ELF1: variants seen among roughly 807,000 people sequenced by gnomAD.
ELF1 encodes the protein ETS-related transcription factor Elf-1.
Under a neutral mutation model 59.9 loss-of-function variants are expected in ELF1, and 24 were observed. The observed-to-expected ratio is 0.40, with a 90% CI of 0.29 to 0.56. The LOEUF (loss-of-function observed/expected upper bound fraction) is 0.56. Among genes scored for constraint, ELF1 ranks in the 20% least tolerant of loss-of-function variants. The pLI, the probability that ELF1 is intolerant of heterozygous loss-of-function variation, is 0.44. For missense variants in ELF1, 627 were observed against 742.2 expected, an observed-to-expected ratio of 0.84 and a Z score of 1.80; for synonymous variants, 248 against 266.2, an observed-to-expected ratio of 0.93 and a Z score of 0.67.
At position 40,949,854 on chromosome 13, in the gene ELF1, C is replaced by T; in HGVS notation, c.481G>A (p.Ala161Thr). Reference sequence around the variant, plus strand: ...GGTGATGAGGCTCCCGGTGAGTCTGCATATTTTTCTTGCACCTGCTGTGTT... The same window carrying T: ...GGTGATGAGGCTCCCGGTGAGTCTGTATATTTTTCTTGCACCTGCTGTGTT... Reference protein sequence around the residue: ...METQQVQEKYADSPGASSPEQ... With the variant: ...METQQVQEKYTDSPGASSPEQ... Residue 161 changes from alanine to threonine, a missense_variant, in exon 5 of 9, where the codon GCA (alanine) becomes ACA (threonine). Physicochemically the swap from Ala to Thr is moderately conservative, Grantham distance 58. Transcript: ENST00000239882. The T allele has an allele frequency of 6.2e-7, 1 of 1,614,094 alleles. No homozygotes were observed. Among genetic ancestry groups the T allele is most frequent in the Non-Finnish European group, 8.5e-7 (1 of 1,180,004 alleles).
intron 1 of ELF1, among the ~76,000 whole-genome samples, chr13:41,016,748 C>T (rs1046931117): frequency 2.0e-5 from 3 of 150,718 alleles, no homozygotes; most frequent in Admixed American, 1.3e-4. Flanking sequence ...AACCCTGTCT[C>T]TACTAAAAAT....
Position 40,958,916 on chromosome 13 carries a change from T to A in ELF1, c.173A>T (p.Asn58Ile). The A allele has an allele frequency of 6.2e-7, 1 of 1,613,686 alleles. No homozygotes were observed. The highest frequency in any genetic ancestry group is 1.1e-5 in the South Asian group (1 of 91,046). The change falls in exon 3 of 9, where the codon AAT (asparagine) becomes ATT (isoleucine). Residue 58 changes from asparagine to isoleucine, a missense_variant. Coordinates refer to ENST00000239882, the MANE Select transcript of ELF1 (RefSeq NM_172373.4). ...CAGTGAACTCTCAGTAATCATGTCA[T>A]TGGGCTCTTCCACACAGGCTAGACC... Reference protein sequence around the residue: ...YAGLACVEEPNDMITESSLDV... With the variant: ...YAGLACVEEPIDMITESSLDV...
intron 1 of ELF1, among the ~76,000 whole-genome samples, chr13:41,024,694 A>G (rs894920679): frequency 6.6e-6 from 1 of 152,184 alleles, no homozygotes; most frequent in East Asian, 1.9e-4. Context: ...CTGTGTTTCT[A>G]TGTAGCCCTA....
chr13:40,936,321 ACT>A (rs1373186436), intron 8 of ELF1, among the ~76,000 whole-genome samples: 2 of 152,054 alleles, frequency 1.3e-5, no homozygotes, highest in East Asian at 3.9e-4. Flanking sequence ...GGCAGTTACA[ACT>A]CTCTAATATA....
At chr13:40,972,106 G>A (rs1276585208) in intron 2 of ELF1, among the ~76,000 whole-genome samples, 2 of 151,922 alleles carry the variant, frequency 1.3e-5, no homozygotes, top group East Asian at 3.9e-4. Context: ...AATCATAAAG[G>A]GCAATTTCTG....
Position 40,933,601 on chromosome 13 carries a change from T to C in ELF1, c.1684A>G (p.Thr562Ala), listed in dbSNP as rs201257827. The C allele has an allele frequency of 6.2e-7, 1 of 1,614,124 alleles. No individual in the cohort carries two copies. The highest frequency in any genetic ancestry group is 1.3e-5 in the African/African-American group (1 of 74,942). The change falls in exon 9 of 9, where the codon ACA becomes GCA. Residue 562 changes from threonine to alanine, a missense_variant. Thr to Ala is a moderately conservative substitution (Grantham distance 58). Around this residue, in one of 3 missense-constraint regions of ELF1, gnomAD observed 361 missense variants for 396.1 expected, o/e 0.91. Transcript: ENST00000239882. The stretch of plus-strand genomic sequence containing the variant: ...TCTACTTCCTGTGTAAGAGTTTTTG[T>C]TTCTTGAGTTTTGATAACTGAAGTG... ...VITSVIKTQETKTLTQEVEKK... is the reference protein window; with the variant it reads ...VITSVIKTQEAKTLTQEVEKK...
At chr13:40,942,827 TG>T in intron 7 of ELF1, 124 bp downstream of exon 7, 2 of 1,023,582 alleles carry the variant, frequency 2.0e-6, no homozygotes, top group African/African-American at 3.3e-5. Context: ...TGACTGAAAA[TG>T]TACCCTCTTA....
intron 1 of ELF1, among the ~76,000 whole-genome samples, chr13:41,059,007 C>T (rs1877391747): frequency 6.6e-6 from 1 of 152,152 alleles, no homozygotes; most frequent in African/African-American, 2.4e-5. Context: ...AAAAGTTAAG[C>T]CCTCTCTGGG....
chr13:41,019,313 G>A lies in ELF1; in HGVS notation c.-314C>T. The A allele has an allele frequency of 2.0e-6, 2 of 985,434 alleles. No individual in the cohort carries two copies. The highest frequency in any genetic ancestry group is 2.4e-6 in the Non-Finnish European group (2 of 829,936). The allele number at this position is 985,434 out of a possible 1,614,324, so 61.0% of individuals were successfully genotyped here. On this transcript the variant is annotated 5_prime_UTR_variant, in exon 1 of 9. Coordinates refer to ENST00000239882, the MANE Select transcript of ELF1 (RefSeq NM_172373.4). ...TTTAGCTGTTAAAATGGCTCCTGTA[G>A]ATTGGGGAAGTGGTGTCTGTGCTTC...
intron 1 of ELF1, among the ~76,000 whole-genome samples, chr13:40,988,672 T>C (rs1288650043): frequency 1.3e-5 from 2 of 152,228 alleles, no homozygotes. Context: ...TCATATCATC[T>C]TGCCTTACAT....
intron 1 of ELF1, among the ~76,000 whole-genome samples, chr13:41,014,004 C>T (rs960935988): frequency 1.3e-5 from 2 of 152,008 alleles, no homozygotes; most frequent in African/African-American, 2.4e-5. Flanking sequence ...CACTATATGA[C>T]TGGGCATCTA....
chr13:40,970,446 A>T (rs915421494), intron 2 of ELF1, among the ~76,000 whole-genome samples: 2 of 152,238 alleles, frequency 1.3e-5, no homozygotes, highest in Admixed American at 1.3e-4. Context: ...GATCTCTATC[A>T]TACAGTGACT....
chr13:41,000,332 C>T (rs780378515), intron 1 of ELF1, among the ~76,000 whole-genome samples: 8 of 146,110 alleles, frequency 5.5e-5, no homozygotes, highest in East Asian at 2.0e-4. Flanking sequence ...GCAATTCTCC[C>T]GCTGCCTCAG....
chr13:41,035,065 T>C (rs531604600), intron 1 of ELF1, among the ~76,000 whole-genome samples: 1 of 152,386 alleles, frequency 6.6e-6, no homozygotes, highest in Non-Finnish European at 1.5e-5. Context: ...CACTTCCTCC[T>C]TTGTGCTCTC....
At chr13:41,007,033 T>C (rs1474653565) in intron 1 of ELF1, among the ~76,000 whole-genome samples, 1 of 152,064 alleles carries the variant, frequency 6.6e-6, no homozygotes, top group Non-Finnish European at 1.5e-5. Flanking sequence ...ACTTGGTGCT[T>C]AGGAAAATAT....
chr13:40,957,599 T>G (rs1056561685), intron 3 of ELF1, among the ~76,000 whole-genome samples: 2 of 152,104 alleles, frequency 1.3e-5, no homozygotes, highest in African/African-American at 4.8e-5. Context: ...AGGATGTGCC[T>G]GCTTCCCCTT....
intron 1 of ELF1, among the ~76,000 whole-genome samples, chr13:41,018,630 C>A (rs1436621999): frequency 6.6e-6 from 1 of 151,914 alleles, no homozygotes; most frequent in Non-Finnish European, 1.5e-5. Context: ...TACTTATTAT[C>A]TAAATAACAA....
upstream of ELF1, among the ~76,000 whole-genome samples, chr13:41,021,446 T>C (rs1395944555): frequency 6.6e-6 from 1 of 152,170 alleles, no homozygotes; most frequent in Non-Finnish European, 1.5e-5. Flanking sequence ...CTACAGGAAC[T>C]GGATCCTTGT....
chr13:40,940,986 C>T lies in ELF1; in HGVS notation c.1191G>A (p.Glu397=), dbSNP rs752986546. 39 of 1,614,084 alleles carry T rather than the reference C, an allele frequency of 2.4e-5. No homozygotes were observed. The Admixed American group carries it at 5.3e-4, about 22-fold the overall frequency. The change falls in exon 8 of 9, where the codon GAG becomes GAA. Residue 397 remains glutamate (E), a synonymous_variant. Transcript: ENST00000239882. ...HVVQPVQAVP[E]GEAARTSTMQ... ...TGGTACTGGTTCTAGCTGCTTCTCC[C>T]TCTGGGACAGCCTGTACTGGCTGTA...
Sources: gnomAD v4.1 joint callset for allele counts (sites outside exome capture counted in the v4.1 genomes callset) on GRCh38, gnomAD v4.1.1 for gene constraint, gnomAD v4.1.1 regional missense constraint, MANE v1.5 for transcripts, NCBI Gene and HGNC (gene_info 2026-07-23, HGNC 2026-07-21) for gene names.